TENM3: variants seen among roughly 807,000 people sequenced by gnomAD.
TENM3 encodes teneurin-3.
TENM3 carries 63 observed loss-of-function variants against 255.1 expected under a neutral mutation model. The observed-to-expected ratio is 0.25, with a 90% CI of 0.20 to 0.30. The LOEUF is 0.30. Ranked by LOEUF, TENM3 falls within the 10% of genes least tolerant of loss-of-function variation. TENM3 has a pLI of 1.00. For synonymous variants in TENM3, 1,306 were observed against 1,322.3 expected (o/e 0.99, Z 0.27); for missense variants, 2,929 against 3,461.1 (o/e 0.85, Z 3.86).
At chr4:181,581,892 C>T in the TENM3 span, among the ~76,000 whole-genome samples, 1 of 152,018 alleles carries the variant, frequency 6.6e-6, no homozygotes, top group Admixed American at 6.6e-5. Flanking sequence ...ACCGCCATGC[C>T]CAGCTAATTT....
At chr4:182,671,799 C>G (rs990329564) in intron 6 of TENM3, among the ~76,000 whole-genome samples, 1 of 152,178 alleles carries the variant, frequency 6.6e-6, no homozygotes, top group South Asian at 2.1e-4. Context: ...ACAGCTCAGA[C>G]TTAAAATCAC....
the TENM3 span, among the ~76,000 whole-genome samples, chr4:181,522,025 C>T: frequency 5.2e-5 from 7 of 135,636 alleles, no homozygotes; most frequent in South Asian, 2.5e-4. Flanking sequence ...GGCGTGAACG[C>T]GGGAGGCAGA....
upstream of TENM3, among the ~76,000 whole-genome samples, chr4:182,140,393 T>A (rs1749311158): frequency 1.3e-5 from 2 of 152,168 alleles, no homozygotes; most frequent in Non-Finnish European, 2.9e-5. Flanking sequence ...AGCTGGAAGG[T>A]CTCGGTACCT....
At chr4:182,119,401 C>G in the TENM3 span, among the ~76,000 whole-genome samples, 1 of 152,130 alleles carries the variant, frequency 6.6e-6, no homozygotes, top group African/African-American at 2.4e-5. Flanking sequence ...ATCTCTCAGA[C>G]TTGGCCACAC....
At chr4:181,936,193 A>G in the TENM3 span, among the ~76,000 whole-genome samples, 1 of 152,208 alleles carries the variant, frequency 6.6e-6, no homozygotes, top group Non-Finnish European at 1.5e-5. Flanking sequence ...GGAGTTCGAG[A>G]CCAGCCTGAC....
intron 4 of TENM3, among the ~76,000 whole-genome samples, chr4:182,619,951 A>G (rs1022823947): frequency 6.6e-6 from 1 of 152,238 alleles, no homozygotes; most frequent in Non-Finnish European, 1.5e-5. Flanking sequence ...ACAATGGGGA[A>G]TATTCTCACA....
chr4:182,331,586 A>G (rs1763758714), intron 2 of TENM3, among the ~76,000 whole-genome samples: 1 of 152,190 alleles, frequency 6.6e-6, no homozygotes, highest in South Asian at 2.1e-4. Context: ...TTTGACATAA[A>G]CTACTCAATT....
At chr4:182,129,596 T>C in the TENM3 span, among the ~76,000 whole-genome samples, 1 of 152,150 alleles carries the variant, frequency 6.6e-6, no homozygotes, top group Non-Finnish European at 1.5e-5. Context: ...GATAGGTAAT[T>C]AGGAAAGGAT....
the TENM3 span, among the ~76,000 whole-genome samples, chr4:181,939,414 A>C: frequency 6.6e-6 from 1 of 152,226 alleles, no homozygotes; most frequent in Non-Finnish European, 1.5e-5. Context: ...GATGTCCTCC[A>C]TGGGAAACAG....
chr4:182,594,681 T>G (rs1485103352), intron 3 of TENM3, among the ~76,000 whole-genome samples: 1 of 128,606 alleles, frequency 7.8e-6, no homozygotes, highest in Non-Finnish European at 1.6e-5. Context: ...GTTTTTTGTT[T>G]TGGTGTGTGT....
intron 2 of TENM3, among the ~76,000 whole-genome samples, chr4:182,342,565 A>G (rs372448160): frequency 1.3e-5 from 2 of 152,174 alleles, no homozygotes; most frequent in Non-Finnish European, 2.9e-5. Flanking sequence ...ATAGTTGCAG[A>G]ACTCTGAATA....
chr4:181,916,666 C>T, the TENM3 span, among the ~76,000 whole-genome samples: 30 of 152,230 alleles, frequency 2.0e-4, no homozygotes, highest in Admixed American at 9.2e-4. Context: ...ATCACGAGGT[C>T]AGGAGATCGA....
the TENM3 span, among the ~76,000 whole-genome samples, chr4:181,775,618 G>A: frequency 6.6e-6 from 1 of 152,134 alleles, no homozygotes; most frequent in Non-Finnish European, 1.5e-5. Context: ...TAAAGACACA[G>A]TCTGACAATA....
chr4:181,652,673 A>G, the TENM3 span, among the ~76,000 whole-genome samples: 7,926 of 152,266 alleles, frequency 0.052, 280 homozygotes, highest in Non-Finnish European at 0.079. Context: ...CCCTTCATCT[A>G]GAAACATCTA....
chr4:181,702,109 TAACTC>T, the TENM3 span, among the ~76,000 whole-genome samples: 4 of 152,320 alleles, frequency 2.6e-5, no homozygotes, highest in East Asian at 1.9e-4. Context: ...ATGGTCTTGT[TAACTC>T]AACACTGTAG....
the TENM3 span, among the ~76,000 whole-genome samples, chr4:181,578,921 G>A: frequency 6.6e-6 from 1 of 152,072 alleles, no homozygotes; most frequent in African/African-American, 2.4e-5. Context: ...AACATTTTTG[G>A]TAGGTGGGGA....
chr4:181,979,095 GACATATATATATATATAT>G, the TENM3 span, among the ~76,000 whole-genome samples: 20 of 72,162 alleles, frequency 2.8e-4, no homozygotes, highest in African/African-American at 1.1e-3. Flanking sequence ...CATTAAGCCT[GACATATATATATATATAT>G]ATATATATAT....
intron 3 of TENM3, among the ~76,000 whole-genome samples, chr4:182,592,445 C>G (rs370403509): frequency 6.6e-6 from 1 of 152,184 alleles, no homozygotes; most frequent in African/African-American, 2.4e-5. Context: ...ATGATGGAGC[C>G]GGGCATGGTG....
chr4:182,781,452 G>A (rs1444834627), intron 24 of TENM3, among the ~76,000 whole-genome samples: 5 of 150,320 alleles, frequency 3.3e-5, no homozygotes, highest in East Asian at 2.0e-4. Flanking sequence ...TGCTGGATTC[G>A]GTTTGCCAGT....
Sources: gnomAD v4.1 joint callset for allele counts (sites outside exome capture counted in the v4.1 genomes callset) on GRCh38, gnomAD v4.1.1 for gene constraint, MANE v1.5 for transcripts, NCBI Gene and HGNC (gene_info 2026-07-23, HGNC 2026-07-21) for gene names.